RBFOX1: variants seen among roughly 807,000 people sequenced by gnomAD.
The protein encoded by RBFOX1 is RNA binding protein fox-1 homolog 1.
Under a neutral mutation model 57.7 loss-of-function variants are expected in RBFOX1, and 8 were observed. That is an observed-to-expected ratio of 0.14 (90% CI 0.08 to 0.25). The LOEUF is 0.25. Ranked by LOEUF, RBFOX1 falls within the 10% of genes least tolerant of loss-of-function variation. The pLI, the probability that RBFOX1 is intolerant of heterozygous loss-of-function variation, is 1.00. For missense variants in RBFOX1, 611 were observed against 548.5 expected, an observed-to-expected ratio of 1.11 and a Z score of -1.14; for synonymous variants, 326 against 222.4, an observed-to-expected ratio of 1.47 and a Z score of -4.15.
intron 1 of RBFOX1, among the ~76,000 whole-genome samples, chr16:6,260,602 G>A (rs912356967): frequency 6.6e-6 from 1 of 152,214 alleles, no homozygotes; most frequent in Non-Finnish European, 1.5e-5. Context: ...TCCAGGCCAG[G>A]CATGGTGGCT....
chr16:5,599,749 C>G (rs1197823147), exon 3 of RBFOX1: 1 of 153,486 alleles, frequency 6.5e-6, no homozygotes, highest in Non-Finnish European at 1.4e-5. Flanking sequence ...AAAAGTTTAA[C>G]ATAAAGTGAG....
chr16:7,693,311 C>T, intron 14 of RBFOX1: 2 of 1,613,218 alleles, frequency 1.2e-6, no homozygotes, highest in Non-Finnish European at 1.7e-6. Flanking sequence ...ATCTTCTCTT[C>T]CAGAAATCAG....
At chr16:6,014,782 T>G (rs2094983083), upstream of RBFOX1, among the ~76,000 whole-genome samples, 1 of 152,158 alleles carries the variant, frequency 6.6e-6, no homozygotes, top group Non-Finnish European at 1.5e-5. Flanking sequence ...CATTTGAGTA[T>G]TGTATCAACT....
chr16:6,003,298 AGC>A (rs1567243659), intron 4 of RBFOX1, among the ~76,000 whole-genome samples: 135 of 148,966 alleles, frequency 9.1e-4, no homozygotes, highest in African/African-American at 3.2e-3. Context: ...AAAAAAAAAA[AGC>A]AATGAGAGGG....
intron 1 of RBFOX1, among the ~76,000 whole-genome samples, chr16:6,130,363 G>A (rs905644560): frequency 6.6e-6 from 1 of 151,976 alleles, no homozygotes; most frequent in Admixed American, 6.6e-5. Context: ...GATACATATT[G>A]TTTATCCTAC....
At chr16:6,210,255 T>C (rs534139364) in intron 1 of RBFOX1, among the ~76,000 whole-genome samples, 2 of 146,888 alleles carry the variant, frequency 1.4e-5, no homozygotes, top group South Asian at 2.1e-4. Flanking sequence ...GAGGTAGAAA[T>C]TGCAGTAAGC....
intron 2 of RBFOX1, among the ~76,000 whole-genome samples, chr16:6,376,206 G>A (rs144563616): frequency 3.3e-5 from 5 of 152,244 alleles, no homozygotes; most frequent in South Asian, 2.1e-4. Flanking sequence ...GGATCCTTGG[G>A]ATCACTGGCC....
chr16:5,405,578 A>G (rs1237495312), intron 1 of RBFOX1, among the ~76,000 whole-genome samples: 6 of 152,192 alleles, frequency 3.9e-5, no homozygotes, highest in Admixed American at 3.9e-4. Context: ...ATACTGTTGG[A>G]CATTAGAATA....
intron 3 of RBFOX1, among the ~76,000 whole-genome samples, chr16:5,820,926 G>A (rs752591659): frequency 3.3e-5 from 5 of 152,124 alleles, no homozygotes; most frequent in Non-Finnish European, 7.3e-5. Context: ...AATGCCACAC[G>A]TTTAAGGGGA....
chr16:5,323,382 A>T (rs1368999951), intron 1 of RBFOX1, among the ~76,000 whole-genome samples: 1 of 152,202 alleles, frequency 6.6e-6, no homozygotes, highest in Non-Finnish European at 1.5e-5. Flanking sequence ...TTCATGACCC[A>T]TGAATGGGTC....
intron 3 of RBFOX1, among the ~76,000 whole-genome samples, chr16:6,736,865 C>G (rs2070475587): frequency 6.6e-6 from 1 of 152,106 alleles, no homozygotes; most frequent in Admixed American, 6.5e-5. Flanking sequence ...TACCTAGAGT[C>G]TGAAGCAATT....
At chr16:5,781,677 A>C (rs147304798) in intron 3 of RBFOX1, among the ~76,000 whole-genome samples, 15 of 152,354 alleles carry the variant, frequency 9.8e-5, no homozygotes, top group African/African-American at 2.9e-4. Flanking sequence ...AACTTTATTT[A>C]CAAGAACTGG....
At position 5,402,832 on chromosome 16, in the gene RBFOX1, C is replaced by T. The variant is rs77294291; in HGVS notation, c.220-64384C>T. Among the ~76,000 whole-genome samples, 6 of 152,284 alleles carry T rather than the reference C, an allele frequency of 3.9e-5. No individual in the cohort carries two copies. The East Asian group carries it at 1.2e-3, about 29-fold the overall frequency. ...TGTTTCACTTTCTTTCTGTTTCTCC[C>T]TCCAACCGTCCATCCAATATAGATA... On this transcript the variant is annotated intron_variant, in intron 1 of 2. Coordinates refer to the RBFOX1 transcript ENST00000585867.
chr16:5,765,009 G>A (rs1033448237), intron 3 of RBFOX1, among the ~76,000 whole-genome samples: 2 of 151,992 alleles, frequency 1.3e-5, no homozygotes, highest in African/African-American at 2.4e-5. Context: ...AGTCTCGCAG[G>A]GTACCTGATA....
At chr16:6,345,076 G>A (rs2085165272) in intron 2 of RBFOX1, among the ~76,000 whole-genome samples, 1 of 152,174 alleles carries the variant, frequency 6.6e-6, no homozygotes, top group South Asian at 2.1e-4. Flanking sequence ...GTTTGGAAGA[G>A]CAAGACACTA....
In RBFOX1 at chr16:5,586,093, G is replaced by A. The variant is rs574767890; in HGVS notation, c.259-12809G>A. Among the ~76,000 whole-genome samples, 16 of 152,284 alleles carry A rather than the reference G, an allele frequency of 1.1e-4. No individual in the cohort carries two copies. In the South Asian group the frequency reaches 2.1e-3, roughly 20 times the overall value. On this transcript the variant is annotated intron_variant, in intron 2 of 2. Coordinates refer to the RBFOX1 transcript ENST00000585867. ...AGAAGAAGGCCATGTAGAAACAGAGGCAGAGACGGGACTGATGCTTCTACA... is the reference window on the plus strand; with the variant it reads ...AGAAGAAGGCCATGTAGAAACAGAGACAGAGACGGGACTGATGCTTCTACA...
chr16:6,498,803 T>C (rs2095842886), intron 2 of RBFOX1, among the ~76,000 whole-genome samples: 2 of 152,222 alleles, frequency 1.3e-5, no homozygotes, highest in African/African-American at 4.8e-5. Context: ...GATAGTGTTA[T>C]TCCCACCTGC....
intron 2 of RBFOX1, among the ~76,000 whole-genome samples, chr16:6,350,624 T>C (rs1430133083): frequency 6.6e-6 from 1 of 152,138 alleles, no homozygotes; most frequent in Non-Finnish European, 1.5e-5. Context: ...ATGAAAGACC[T>C]TTTACTAGTA....
chr16:6,094,628 T>G (rs192699614), intron 1 of RBFOX1, among the ~76,000 whole-genome samples: 30 of 152,326 alleles, frequency 2.0e-4, no homozygotes, highest in African/African-American at 7.2e-4. Flanking sequence ...TCCTTCTAGT[T>G]TTTATTCCAA....
Sources: allele counts gnomAD v4.1 joint callset (sites outside exome capture counted in the v4.1 genomes callset), GRCh38; gene constraint gnomAD v4.1.1; transcripts MANE v1.5; gene names NCBI Gene and HGNC (gene_info 2026-07-23, HGNC 2026-07-21).